The following KCNIP1 variants were observed in gnomAD, a reference collection of about 807,000 sequenced individuals.
KCNIP1 encodes the protein A-type potassium channel modulatory protein KCNIP1.
In KCNIP1, 18 loss-of-function variants were observed where a neutral mutation model predicts 33.0. The ratio of observed to expected loss-of-function variants is 0.55; its 90% CI spans 0.38 to 0.81. KCNIP1 has a LOEUF of 0.81. Among genes scored for constraint, KCNIP1 ranks in the 30% least tolerant of loss-of-function variants. KCNIP1 has a pLI of 0.00. For synonymous variants in KCNIP1, 93 were observed against 98.3 expected (o/e 0.95, Z 0.32); for missense variants, 238 against 271.6 (o/e 0.88, Z 0.87).
chr5:170,526,827 A>G (rs1415673059), intron 1 of KCNIP1, among the ~76,000 whole-genome samples: 1 of 147,908 alleles, frequency 6.8e-6, no homozygotes, highest in Non-Finnish European at 1.5e-5. Flanking sequence ...GGTTCCAGTG[A>G]TTCTCCTGCC....
chr5:170,435,520 C>T (rs1755842753), intron 1 of KCNIP1, among the ~76,000 whole-genome samples: 1 of 152,168 alleles, frequency 6.6e-6, no homozygotes, highest in Admixed American at 6.5e-5. Context: ...GGCTTTTTTG[C>T]AAGCTCACCG....
intron 1 of KCNIP1, among the ~76,000 whole-genome samples, chr5:170,526,009 C>T (rs1356722786): frequency 6.6e-6 from 1 of 152,226 alleles, no homozygotes; most frequent in African/African-American, 2.4e-5. Flanking sequence ...CTTACAACCT[C>T]CCTTCCAATA....
At chr5:170,716,721 A>G (rs1763656636) in intron 1 of KCNIP1, among the ~76,000 whole-genome samples, 1 of 152,180 alleles carries the variant, frequency 6.6e-6, no homozygotes. Flanking sequence ...TGCATTTTTT[A>G]TGAAGGTGAT....
At position 170,417,498 on chromosome 5, in the gene KCNIP1, C is replaced by T. The variant is rs555767984; in HGVS notation, c.88+63534C>T. 3.9e-5 allele frequency among the ~76,000 whole-genome samples: 6 copies of T among 152,316 alleles called. No homozygotes were observed. The East Asian group carries it at 1.2e-3, about 29-fold the overall frequency. ...TTTGTCCCAAATGCTCCACTCTCTG[C>T]CAATGGGAGACGGGGTCTATATTCA... On this transcript the variant is annotated intron_variant, in intron 1 of 7. Transcript: ENST00000377360.
At chr5:170,425,134 T>C (rs2113436428) in intron 1 of KCNIP1, among the ~76,000 whole-genome samples, 1 of 152,362 alleles carries the variant, frequency 6.6e-6, no homozygotes, top group African/African-American at 2.4e-5. Flanking sequence ...TTTACAGCAC[T>C]GAACACTGTC....
At chr5:170,395,997 A>G (rs572258678) in intron 1 of KCNIP1, among the ~76,000 whole-genome samples, 2 of 152,346 alleles carry the variant, frequency 1.3e-5, no homozygotes, top group East Asian at 1.9e-4. Context: ...GTGTTCAACC[A>G]TCAGGAGCTG....
chr5:170,358,840 T>C (rs1763420590), intron 1 of KCNIP1, among the ~76,000 whole-genome samples: 1 of 152,118 alleles, frequency 6.6e-6, no homozygotes, highest in Admixed American at 6.5e-5. Flanking sequence ...GTGGCAGAGC[T>C]GGGATTAGAA....
intron 1 of KCNIP1, among the ~76,000 whole-genome samples, chr5:170,475,680 G>C (rs960361552): frequency 1.3e-5 from 2 of 152,132 alleles, no homozygotes; most frequent in Non-Finnish European, 2.9e-5. Flanking sequence ...GCCTCTTTGT[G>C]GGGGGTTCTT....
rs34202276 is a variant in KCNIP1, at chr5:170,510,757, T to TG, written c.61+6130dup. On this transcript the variant is annotated intron_variant, in intron 1 of 7. Coordinates refer to ENST00000328939, the MANE Select transcript of KCNIP1 (RefSeq NM_014592.4). ...CAGACTAAAAGCCTCATTGGTGCGG[T>TG]GGGGGGAAGTAGGAACCACATTCCA... 4.0e-3 allele frequency among the ~76,000 whole-genome samples: 615 copies of TG among 152,178 alleles called. 1 individual carries two copies. Among genetic ancestry groups the TG allele is most frequent in the Non-Finnish European group, 6.9e-3 (469 of 67,998 alleles).
intron 1 of KCNIP1, among the ~76,000 whole-genome samples, chr5:170,487,845 G>GA (rs150853903): frequency 0.086 from 13,101 of 151,618 alleles, 1,294 homozygotes; most frequent in African/African-American, 0.24. Flanking sequence ...TCTTGCCCCA[G>GA]AAAAAAAACC....
At chr5:170,464,800 C>T (rs1011708032) in intron 1 of KCNIP1, among the ~76,000 whole-genome samples, 5 of 152,188 alleles carry the variant, frequency 3.3e-5, no homozygotes, top group African/African-American at 1.2e-4. Context: ...TCATGGAATT[C>T]TAACCCCCAA....
chr5:170,663,561 C>T (rs1368646424), intron 1 of KCNIP1, among the ~76,000 whole-genome samples: 4 of 152,140 alleles, frequency 2.6e-5, no homozygotes, highest in Admixed American at 6.5e-5. Flanking sequence ...GATTTCTCAT[C>T]AAATGCCCCT....
chr5:170,585,607 ACCC>A (rs977589477), intron 1 of KCNIP1, among the ~76,000 whole-genome samples: 4 of 150,298 alleles, frequency 2.7e-5, no homozygotes, highest in Non-Finnish European at 5.9e-5. Flanking sequence ...CCCACCTCTC[ACCC>A]CCCGCCCCGG....
In KCNIP1 at chr5:170,720,171, G is replaced by T. The variant is rs1763769551; in HGVS notation, c.187-150G>T. 3 of 637,114 alleles carry T rather than the reference G, an allele frequency of 4.7e-6. No homozygotes were observed. In the Admixed American group the frequency reaches 7.3e-5, roughly 15 times the overall value. The allele number at this position is 637,114 out of a possible 1,614,324, so 39.5% of individuals were successfully genotyped here. ...CTCATCATTTTGCAAAGCAGCTCCA[G>T]TCCTGAGATGGCACTACTTGGGAGA... On this transcript the variant is annotated intron_variant, in intron 2 of 7. Transcript: ENST00000328939.
At chr5:170,713,742 C>T (rs1049513666) in intron 1 of KCNIP1, among the ~76,000 whole-genome samples, 1 of 152,136 alleles carries the variant, frequency 6.6e-6, no homozygotes, top group Non-Finnish European at 1.5e-5. Context: ...AGACGGATGG[C>T]CGGGTGCAGT....
chr5:170,538,034 T>A (rs1359718534), intron 1 of KCNIP1, among the ~76,000 whole-genome samples: 4 of 152,242 alleles, frequency 2.6e-5, no homozygotes, highest in African/African-American at 9.6e-5. Flanking sequence ...TCCCTCTACA[T>A]GTGAAATCTC....
intron 1 of KCNIP1, among the ~76,000 whole-genome samples, chr5:170,687,696 C>A (rs1762587184): frequency 1.3e-5 from 2 of 152,176 alleles, no homozygotes; most frequent in African/African-American, 4.8e-5. Flanking sequence ...GATGCACCAG[C>A]CCTTGCCTCA....
At chr5:170,451,813 G>C (rs527261514) in intron 1 of KCNIP1, among the ~76,000 whole-genome samples, 1 of 150,778 alleles carries the variant, frequency 6.6e-6, no homozygotes, top group African/African-American at 2.5e-5. Context: ...GGGTGTCCGT[G>C]ACTGGGCATG....
chr5:170,387,743 C>T (rs1295438896), intron 1 of KCNIP1, among the ~76,000 whole-genome samples: 1 of 152,194 alleles, frequency 6.6e-6, no homozygotes, highest in African/African-American at 2.4e-5. Flanking sequence ...TTCTACCTGG[C>T]GTCAGTTGAA....
Sources: gnomAD v4.1 joint callset for allele counts (sites outside exome capture counted in the v4.1 genomes callset) on GRCh38, gnomAD v4.1.1 for gene constraint, MANE v1.5 for transcripts, NCBI Gene and HGNC (gene_info 2026-07-23, HGNC 2026-07-21) for gene names.